Variants in RNF150 observed in about 807,000 individuals in gnomAD.
The protein encoded by RNF150 is ring finger protein 150.
A neutral mutation model predicts 39.3 loss-of-function variants in RNF150; 24 were observed. That is an observed-to-expected ratio of 0.61 (90% CI 0.44 to 0.86). The LOEUF is 0.86. Ranked by LOEUF, RNF150 falls within the 40% of genes least tolerant of loss-of-function variation. The pLI is 0.00. For synonymous variants in RNF150, 255 were observed against 227.3 expected, an observed-to-expected ratio of 1.12 and a Z score of -1.10; for missense variants, 502 against 587.8, an observed-to-expected ratio of 0.85 and a Z score of 1.51.
intron 5 of RNF150, among the ~76,000 whole-genome samples, chr4:140,917,923 A>C (rs1730912601): frequency 2.0e-5 from 3 of 151,958 alleles, no homozygotes; most frequent in Admixed American, 2.0e-4. Context: ...AAACTGAACA[A>C]CCTGCTCCTG....
At chr4:141,023,492 G>A (rs376859023) in intron 1 of RNF150, among the ~76,000 whole-genome samples, 1 of 151,846 alleles carries the variant, frequency 6.6e-6, no homozygotes, top group African/African-American at 2.4e-5. Flanking sequence ...GACTTCAAGT[G>A]ATCCATCCTC....
At chr4:141,173,976 G>A (rs1031435390) in intron 1 of RNF150, among the ~76,000 whole-genome samples, 1 of 152,126 alleles carries the variant, frequency 6.6e-6, no homozygotes, top group African/African-American at 2.4e-5. Context: ...ATGTGGATAT[G>A]TTTCTACTTG....
At chr4:141,029,095 T>G (rs1419835081) in intron 1 of RNF150, among the ~76,000 whole-genome samples, 1 of 152,208 alleles carries the variant, frequency 6.6e-6, no homozygotes, top group Non-Finnish European at 1.5e-5. Context: ...TGGCTGCATT[T>G]TAATGAAGAA....
intron 6 of RNF150, among the ~76,000 whole-genome samples, chr4:140,898,573 A>T (rs55708741): frequency 5.9e-5 from 9 of 152,236 alleles, no homozygotes; most frequent in South Asian, 4.1e-4. Flanking sequence ...ATGTTCCTAC[A>T]TAGGTGCATG....
At chr4:140,925,352 G>A (rs1560970657) in intron 5 of RNF150, among the ~76,000 whole-genome samples, 1 of 152,210 alleles carries the variant, frequency 6.6e-6, no homozygotes, top group African/African-American at 2.4e-5. Context: ...TTGTACAGGG[G>A]AGAGACTAAA....
In RNF150 at chr4:140,902,997, G is replaced by T. The variant is rs1730242746; in HGVS notation, c.1198+8147C>A. Reference sequence around the variant, plus strand: ...GGTGCTAGAAGGAGAAAGGTGGCGAGAAGGGCTTGTAAGTGAGGATGCAAG... The same window carrying T: ...GGTGCTAGAAGGAGAAAGGTGGCGATAAGGGCTTGTAAGTGAGGATGCAAG... On this transcript the variant is annotated intron_variant, in intron 6 of 6. Transcript: ENST00000515673. Among the ~76,000 whole-genome samples, 3 of 152,232 alleles carry T rather than the reference G, an allele frequency of 2.0e-5. No homozygotes were observed. In the South Asian group the frequency reaches 6.2e-4, roughly 32 times the overall value.
chr4:140,917,574 C>A (rs1460425686), intron 5 of RNF150, among the ~76,000 whole-genome samples: 4 of 152,138 alleles, frequency 2.6e-5, no homozygotes, highest in Non-Finnish European at 4.4e-5. Flanking sequence ...GACTTAGACT[C>A]CCACACAATC....
intron 1 of RNF150, among the ~76,000 whole-genome samples, chr4:141,183,709 C>T (rs1462624140): frequency 6.6e-6 from 1 of 151,976 alleles, no homozygotes; most frequent in African/African-American, 2.4e-5. Context: ...TCCCTGTGTC[C>T]ATGTGTTCTC....
intron 6 of RNF150, among the ~76,000 whole-genome samples, chr4:140,903,960 G>T (rs749242541): frequency 3.3e-5 from 5 of 152,216 alleles, no homozygotes; most frequent in Non-Finnish European, 7.3e-5. Flanking sequence ...GAAAGCCCTG[G>T]CAGTCTCGCT....
intron 6 of RNF150, among the ~76,000 whole-genome samples, chr4:140,899,870 C>G (rs1408898727): frequency 6.6e-6 from 1 of 151,790 alleles, no homozygotes; most frequent in Non-Finnish European, 1.5e-5. Flanking sequence ...TGAGGACCAC[C>G]ACAGAAGAAG....
chr4:140,949,485 T>C (rs1732458558), intron 2 of RNF150, 113 bp from the exon 3 acceptor site: 2 of 861,084 alleles, frequency 2.3e-6, no homozygotes, highest in Admixed American at 3.9e-5. Flanking sequence ...ACATGTGGTA[T>C]GAATGCTAGC....
intron 1 of RNF150, among the ~76,000 whole-genome samples, chr4:141,127,933 C>T (rs1003359116): frequency 2.8e-4 from 42 of 152,338 alleles, no homozygotes; most frequent in African/African-American, 8.9e-4. Context: ...ATCATACATG[C>T]CCTTGCTACG....
intron 1 of RNF150, among the ~76,000 whole-genome samples, chr4:140,995,397 A>T (rs1296262006): frequency 6.6e-6 from 1 of 152,228 alleles, no homozygotes; most frequent in East Asian, 1.9e-4. Flanking sequence ...AGTCATATTT[A>T]TAACCACTTT....
chr4:141,037,408 A>T (rs1427521913), intron 1 of RNF150, among the ~76,000 whole-genome samples: 1 of 152,204 alleles, frequency 6.6e-6, no homozygotes, highest in Non-Finnish European at 1.5e-5. Flanking sequence ...AATAACAATA[A>T]GAAGAATAAA....
At chr4:140,883,323 C>T (rs1210852772) in intron 6 of RNF150, among the ~76,000 whole-genome samples, 6 of 152,150 alleles carry the variant, frequency 3.9e-5, no homozygotes, top group Non-Finnish European at 7.4e-5. Flanking sequence ...ATGCACCACC[C>T]TATCACAGTA....
chr4:141,043,278 G>C (rs1404416316), intron 1 of RNF150, among the ~76,000 whole-genome samples: 1 of 152,006 alleles, frequency 6.6e-6, no homozygotes, highest in Non-Finnish European at 1.5e-5. Flanking sequence ...AAGGAGAGGG[G>C]TGGGCCACAC....
At chr4:141,046,498 C>A (rs1736581483) in intron 1 of RNF150, among the ~76,000 whole-genome samples, 1 of 152,156 alleles carries the variant, frequency 6.6e-6, no homozygotes, top group African/African-American at 2.4e-5. Flanking sequence ...TATTTACTGA[C>A]ACCCACCAGG....
chr4:141,143,307 T>G (rs936545348), intron 1 of RNF150, among the ~76,000 whole-genome samples: 9 of 152,190 alleles, frequency 5.9e-5, no homozygotes, highest in Non-Finnish European at 8.8e-5. Flanking sequence ...CTGAACTTTA[T>G]TCTCATGCCA....
chr4:141,064,912 C>T (rs1045042115), intron 1 of RNF150, among the ~76,000 whole-genome samples: 2 of 152,204 alleles, frequency 1.3e-5, no homozygotes, highest in African/African-American at 4.8e-5. Flanking sequence ...GTTACCCAGG[C>T]TGGAGTGCAA....
Sources: allele counts gnomAD v4.1 joint callset (sites outside exome capture counted in the v4.1 genomes callset), GRCh38; gene constraint gnomAD v4.1.1; transcripts MANE v1.5; gene names NCBI Gene and HGNC (gene_info 2026-07-23, HGNC 2026-07-21).